Variants in FBXW2 observed in about 807,000 individuals in gnomAD.
The protein encoded by FBXW2 is F-box and WD repeat domain containing 2.
FBXW2 carries 12 observed loss-of-function variants against 46.0 expected under a neutral mutation model. The ratio of observed to expected loss-of-function variants is 0.26; its 90% CI spans 0.17 to 0.42. The LOEUF is 0.42. Ranked by LOEUF, FBXW2 falls within the 10% of genes least tolerant of loss-of-function variation. The pLI is 1.00. For missense variants in FBXW2, 360 were observed against 537.0 expected, an observed-to-expected ratio of 0.67 and a Z score of 3.26; for synonymous variants, 203 against 209.6, an observed-to-expected ratio of 0.97 and a Z score of 0.27.
chr9:120,757,795 T>C lies in FBXW2; in HGVS notation c.*6764A>G, dbSNP rs191625289. The C allele has an allele frequency of 3.9e-5, 6 of 152,328 alleles. No individual in the cohort carries two copies. The East Asian group carries it at 1.2e-3, about 29-fold the overall frequency. The allele number at this position is 152,328 out of a possible 1,614,324, so 9.4% of individuals were successfully genotyped here. ...ACTGGCAGGGACTACTCATGTCTAA[T>C]CACAGTGTGATCATTAAATATTCTC... On this transcript the variant is annotated 3_prime_UTR_variant, in exon 8 of 8. Transcript: ENST00000608872.
intron 7 of FBXW2, among the ~76,000 whole-genome samples, chr9:120,765,229 G>A (rs2044254543): frequency 6.6e-6 from 1 of 151,900 alleles, no homozygotes. Context: ...CAAGTAGCTG[G>A]GACTACAGAC....
At chr9:120,775,826 T>C (rs868861453) in intron 5 of FBXW2, among the ~76,000 whole-genome samples, 3 of 152,338 alleles carry the variant, frequency 2.0e-5, no homozygotes, top group Middle Eastern at 3.4e-3. Context: ...ACACTCTACA[T>C]ATTTTTTTGT....
In FBXW2 at chr9:120,762,608, T is replaced by C. The variant is rs1001698997; in HGVS notation, c.*1951A>G. 1.3e-5 allele frequency: 2 copies of C among 152,244 alleles called. No individual in the cohort carries two copies. The highest frequency in any genetic ancestry group is 4.8e-5 in the African/African-American group (2 of 41,454). The allele number at this position is 152,244 out of a possible 1,614,324, so 9.4% of individuals were successfully genotyped here. A position where few individuals can be genotyped will look rare whatever the true frequency, so the allele number is the denominator to read the frequency against. On this transcript the variant is annotated 3_prime_UTR_variant, in exon 8 of 8. Transcript: ENST00000608872. ...CCTTGAAATTCACCATTAATTTCTA[T>C]CAACTTCACAGCACTCAGAGGTCCA...
In FBXW2 at chr9:120,757,510, TTACAG is replaced by T. The variant is rs1364835133; in HGVS notation, c.*7044_*7048del. On this transcript the variant is annotated 3_prime_UTR_variant, in exon 8 of 8. Coordinates refer to ENST00000608872, the MANE Select transcript of FBXW2 (RefSeq NM_012164.4). Reference sequence around the variant, plus strand: ...ACCAAAACAGAAATGGTTTAGCAAATTACAGTAATGAAGGAAAATTACAAAATATT... The same window carrying T: ...ACCAAAACAGAAATGGTTTAGCAAATTAATGAAGGAAAATTACAAAATATT... 6.6e-6 allele frequency: 1 copy of T among 152,170 alleles called. No homozygotes were observed. The highest frequency in any genetic ancestry group is 2.4e-5 in the African/African-American group (1 of 41,428). The allele number at this position is 152,170 out of a possible 1,614,324, so 9.4% of individuals were successfully genotyped here.
chr9:120,760,081 C>T lies in FBXW2; in HGVS notation c.*4478G>A, dbSNP rs568485458. 1.3e-5 allele frequency: 2 copies of T among 152,340 alleles called. No individual in the cohort carries two copies. The highest frequency in any genetic ancestry group is 4.8e-5 in the African/African-American group (2 of 41,568). The allele number at this position is 152,340 out of a possible 1,614,324, so 9.4% of individuals were successfully genotyped here. ...TTCTTTTCATCAGACATTCTGAGGA[C>T]AGCATAATTCTCAAGTGTCTTGGTT... On this transcript the variant is annotated 3_prime_UTR_variant, in exon 8 of 8. Coordinates refer to ENST00000608872, the MANE Select transcript of FBXW2 (RefSeq NM_012164.4).
chr9:120,776,974 G>A (rs2044510346), intron 4 of FBXW2, among the ~76,000 whole-genome samples: 1 of 152,058 alleles, frequency 6.6e-6, no homozygotes, highest in African/African-American at 2.4e-5. Context: ...ACTCTGCCCA[G>A]GGGTATCAGG....
intron 2 of FBXW2, 134 bp downstream of exon 2, chr9:120,793,015 G>T: frequency 6.7e-7 from 1 of 1,482,218 alleles, no homozygotes; most frequent in Non-Finnish European, 9.1e-7. Context: ...TCATTTCGCA[G>T]CTAAGGAAAT....
intron 3 of FBXW2, among the ~76,000 whole-genome samples, chr9:120,780,892 T>C (rs1427539767): frequency 6.6e-6 from 1 of 152,050 alleles, no homozygotes; most frequent in East Asian, 1.9e-4. Context: ...AGAGAAAACA[T>C]CTCAGACGAG....
At chr9:120,786,798 C>G (rs892154591) in intron 3 of FBXW2, among the ~76,000 whole-genome samples, 1 of 152,144 alleles carries the variant, frequency 6.6e-6, no homozygotes, top group Non-Finnish European at 1.5e-5. Context: ...AATGTATTAT[C>G]TAACACATGG....
At chr9:120,792,790 G>T in intron 2 of FBXW2, 2 of 1,048,020 alleles carry the variant, frequency 1.9e-6, no homozygotes, top group Non-Finnish European at 2.6e-6. Context: ...ACAGTACTCG[G>T]CACGCTGTAA....
chr9:120,785,758 G>C (rs143298461), intron 3 of FBXW2, among the ~76,000 whole-genome samples: 1 of 151,962 alleles, frequency 6.6e-6, no homozygotes, highest in Admixed American at 6.6e-5. Context: ...GGCCGGGCAC[G>C]GTGGCTCACG....
chr9:120,777,745 A>C (rs1017273732), intron 4 of FBXW2, among the ~76,000 whole-genome samples: 2 of 148,090 alleles, frequency 1.4e-5, no homozygotes, highest in African/African-American at 2.5e-5. Flanking sequence ...ACAGAGAGAG[A>C]AGCTCAAATC....
At chr9:120,771,984 G>A (rs977906931) in intron 6 of FBXW2, among the ~76,000 whole-genome samples, 6 of 150,308 alleles carry the variant, frequency 4.0e-5, no homozygotes, top group African/African-American at 1.2e-4. Flanking sequence ...ACTTGAACCT[G>A]GGAGGCAGAG....
intron 7 of FBXW2, among the ~76,000 whole-genome samples, chr9:120,770,278 G>A (rs1477603198): frequency 6.6e-6 from 1 of 151,844 alleles, no homozygotes; most frequent in Non-Finnish European, 1.5e-5. Flanking sequence ...CGGGAGGCTG[G>A]GACAGGAGAA....
chr9:120,775,974 TGTAG>T (rs1263909946), intron 5 of FBXW2, 115 bp downstream of exon 5: 1 of 1,218,946 alleles, frequency 8.2e-7, no homozygotes, highest in African/African-American at 1.5e-5. Flanking sequence ...CATTATGCTT[TGTAG>T]GTACAGCAAT....
Position 120,788,059 on chromosome 9 carries a change from T to C in FBXW2, c.200A>G (p.Tyr67Cys). 1 of 1,614,126 alleles carries C rather than the reference T, an allele frequency of 6.2e-7. No individual in the cohort carries two copies. Among genetic ancestry groups the C allele is most frequent in the Non-Finnish European group, 8.5e-7 (1 of 1,180,016 alleles). ...CTGAGGATCGAGCCATTTTAACAAA[T>C]AAAAACTGAGCTCCAGGGGAAGGAG... is the stretch of plus-strand genomic sequence containing the variant. ...LKLLPLELSF[Y>C]LLKWLDPQTL... Residue 67 changes from tyrosine to cysteine, a missense_variant, in exon 3 of 8, where the codon TAT becomes TGT. Tyr to Cys is a radical substitution (Grantham distance 194, BLOSUM62 -2). Coordinates refer to ENST00000608872, the MANE Select transcript of FBXW2 (RefSeq NM_012164.4).
Position 120,765,391 on chromosome 9 carries a change from G to A in FBXW2, c.1077-544C>T, listed in dbSNP as rs376797513. ...ATTACAGGCGTGAGCCACCGCACCCGGCCTGATGAAAGTTTATAAAAGTAC... is the reference window on the plus strand; with the variant it reads ...ATTACAGGCGTGAGCCACCGCACCCAGCCTGATGAAAGTTTATAAAAGTAC... On this transcript the variant is annotated intron_variant, in intron 7 of 7. Coordinates refer to ENST00000608872, the MANE Select transcript of FBXW2 (RefSeq NM_012164.4). Among the ~76,000 whole-genome samples, 60 of 152,234 alleles carry A rather than the reference G, an allele frequency of 3.9e-4. No individual in the cohort carries two copies. In the South Asian group the frequency reaches 5.4e-3, roughly 14 times the overall value.
chr9:120,774,296 C>T (rs369112376), intron 5 of FBXW2, among the ~76,000 whole-genome samples: 1 of 149,776 alleles, frequency 6.7e-6, no homozygotes, highest in East Asian at 2.0e-4. Context: ...GAGATCGTGC[C>T]ACTGCACTCC....
chr9:120,778,228 G>T, intron 4 of FBXW2, 123 bp downstream of exon 4: 3 of 854,248 alleles, frequency 3.5e-6, no homozygotes, highest in South Asian at 1.9e-5. Context: ...TAACTGCAAT[G>T]ACTAAGAAAG....
Sources: gnomAD v4.1 joint callset for allele counts (sites outside exome capture counted in the v4.1 genomes callset) on GRCh38, gnomAD v4.1.1 for gene constraint, MANE v1.5 for transcripts, NCBI Gene and HGNC (gene_info 2026-07-23, HGNC 2026-07-21) for gene names.